The following ACE variants were observed in gnomAD, a reference collection of about 807,000 sequenced individuals.
The protein encoded by ACE is angiotensin-converting enzyme.
Under a neutral mutation model 162.3 loss-of-function variants are expected in ACE, and 122 were observed. The observed-to-expected ratio is 0.75, with a 90% CI of 0.65 to 0.87. The LOEUF is 0.87. ACE is among the 40% of genes least tolerant of loss of function. The pLI is 0.00. For synonymous variants in ACE, 796 were observed against 720.6 expected (o/e 1.10, Z -1.68); for missense variants, 1,799 against 1,735.1 (o/e 1.04, Z -0.65).
chr17:63,493,919 C>T lies in ACE; in HGVS notation c.3137-3C>T, dbSNP rs1188734181. The stretch of plus-strand genomic sequence containing the variant: ...CTGACAGCTGGGCTCCCTTCCCTTG[C>T]AGAGCATGACATCAACTTTCTGATG... On this transcript the variant is annotated splice_polypyrimidine_tract_variant and splice_region_variant and intron_variant, in intron 20 of 24. Transcript: ENST00000290866. 6.2e-7 allele frequency: 1 copy of T among 1,614,044 alleles called. No homozygotes were observed. The highest frequency in any genetic ancestry group is 8.5e-7 in the Non-Finnish European group (1 of 1,180,042).
rs1368029138 is a variant in ACE at position 63,488,996 on chromosome 17, G to A, written c.2505G>A (p.Glu835=). The A allele has an allele frequency of 6.2e-7, 1 of 1,614,082 alleles. No homozygotes were observed. The highest frequency in any genetic ancestry group is 8.5e-7 in the Non-Finnish European group (1 of 1,180,044). Residue 835 remains glutamate (E), a synonymous_variant, in exon 17 of 25, where the codon GAG becomes GAA. Coordinates refer to ENST00000290866, the MANE Select transcript of ACE (RefSeq NM_000789.4). ...CTATGTACGAGACACCATCCCTGGA[G>A]CAAGACCTGGAGCGGCTCTTCCAGG... The part of the protein sequence containing the change: ...WRSMYETPSL[E]QDLERLFQEL...
intron 2 of ACE, 76 bp downstream of exon 2, chr17:63,478,174 A>G (rs2147525900): frequency 6.6e-7 from 1 of 1,526,638 alleles, no homozygotes; most frequent in Non-Finnish European, 8.8e-7. Context: ...AGAGCAGCCC[A>G]TCAGGGAGGG....
chr17:63,495,918 C>T (rs891626454), intron 22 of ACE, among the ~76,000 whole-genome samples: 3 of 152,232 alleles, frequency 2.0e-5, no homozygotes, highest in African/African-American at 7.2e-5. Context: ...TGGGGAGAAT[C>T]CTCCAGCCTT....
chr17:63,481,774 CG>C, intron 7 of ACE, 36 bp downstream of exon 7: 1 of 1,613,376 alleles, frequency 6.2e-7, no homozygotes, highest in Non-Finnish European at 8.5e-7. Flanking sequence ...TGGGGTTCCC[CG>C]GTTCTGGGGC....
In ACE at chr17:63,494,434, C is replaced by T; in HGVS notation, c.3344C>T (p.Ala1115Val). The T allele has an allele frequency of 6.2e-7, 1 of 1,614,134 alleles. No individual in the cohort carries two copies. Among genetic ancestry groups the T allele is most frequent in the Non-Finnish European group, 8.5e-7 (1 of 1,180,014 alleles). The stretch of plus-strand genomic sequence containing the variant: ...ACTCAAGGTGACTTTGACCCAGGGG[C>T]CAAGTTCCACATTCCTTCTAGCGTG... ...PRTQGDFDPG[A>V]KFHIPSSVPY... Residue 1115 changes from alanine (A) to valine (V), a missense_variant, in exon 22 of 25, where the codon GCC (alanine) becomes GTC (valine). By Grantham distance (64) the Ala-to-Val change is moderately conservative (BLOSUM62 0). Transcript: ENST00000290866.
At position 63,483,929 on chromosome 17, in the gene ACE, A is replaced by G; in HGVS notation, c.1667A>G (p.Gln556Arg). The part of the protein sequence containing the change: ...KEAGYEGPLH[Q>R]CDIYRSTKAG... ...GCAGGCTATGAGGGCCCACTGCACC[A>G]GTGTGACATCTACCGGTCCACCAAG... The change falls in exon 11 of 25, where the codon CAG (glutamine) becomes CGG (arginine). Residue 556 changes from glutamine to arginine, a missense_variant. Physicochemically the swap from Gln to Arg is conservative, Grantham distance 43 (BLOSUM62 1). Transcript: ENST00000290866. The G allele has an allele frequency of 6.2e-7, 1 of 1,614,120 alleles. No individual in the cohort carries two copies. The highest frequency in any genetic ancestry group is 1.1e-5 in the South Asian group (1 of 91,082).
rs866328001 is a variant in ACE, at chr17:63,484,236, G to C, written c.1710-94G>C. ...TTGCCACAGTTTCTGCAGTCCATTG[G>C]GGGGCGGAAGTGGCCAGGGGCATGT... On this transcript the variant is annotated intron_variant, in intron 11 of 24. Coordinates refer to ENST00000290866, the MANE Select transcript of ACE (RefSeq NM_000789.4). This position sits in a 1 kb window ranked among gnomAD's most constrained non-coding sequence, Gnocchi z 4.0. 2.8e-6 allele frequency: 4 copies of C among 1,406,798 alleles called. No individual in the cohort carries two copies. Among genetic ancestry groups the C allele is most frequent in the Admixed American group, 2.0e-5 (1 of 50,874 alleles). 87.1% of individuals were successfully genotyped at this position (1,406,798 alleles called of 1,614,324 possible). A position where few individuals can be genotyped will look rare whatever the true frequency, so the allele number is the denominator to read the frequency against.
Position 63,484,790 on chromosome 17 carries a change from G to A in ACE, c.1921+249G>A. 1 of 1,490,884 alleles carries A rather than the reference G, an allele frequency of 6.7e-7. No homozygotes were observed. Among genetic ancestry groups the A allele is most frequent in the Non-Finnish European group, 8.9e-7 (1 of 1,120,994 alleles). The allele number at this position is 1,490,884 out of a possible 1,614,324, so 92.4% of individuals were successfully genotyped here. The stretch of plus-strand genomic sequence containing the variant: ...CCTTCCAGAGGAAGCCAGACACAAG[G>A]CTCTGTGAGGTCACACTGCGGGCTC... On this transcript the variant is annotated intron_variant, in intron 12 of 24. Transcript: ENST00000290866. The surrounding 1 kb of genome is among the most constrained non-coding windows in gnomAD (Gnocchi z 4.0).
At chr17:63,497,084 C>G (rs2030800617) in intron 24 of ACE, 53 bp from the exon 25 acceptor site, 2 of 1,590,630 alleles carry the variant, frequency 1.3e-6, no homozygotes, top group African/African-American at 2.7e-5. Flanking sequence ...GCCCCGCACC[C>G]TTGCCCTGCC....
In ACE at chr17:63,477,362, G is replaced by T. The variant is rs1323998023; in HGVS notation, c.249+19G>T. 11 of 1,254,598 alleles carry T rather than the reference G, an allele frequency of 8.8e-6. No homozygotes were observed. In the Admixed American group the frequency reaches 4.2e-4, roughly 48 times the overall value. 77.7% of individuals were successfully genotyped at this position (1,254,598 alleles called of 1,614,324 possible). A position where few individuals can be genotyped will look rare whatever the true frequency, so the allele number is the denominator to read the frequency against. ...GCGCCAGGTGGGCGCCCGGGCCCGG[G>T]CGGGGGCGGGGCGGGGCCGCGGCGG... On this transcript the variant is annotated intron_variant, in intron 1 of 24. Coordinates refer to ENST00000290866, the MANE Select transcript of ACE (RefSeq NM_000789.4).
At position 63,498,097 on chromosome 17, in the gene ACE, T is replaced by TC. The variant is rs397788309; in HGVS notation, c.*731_*732insC. On this transcript the variant is annotated 3_prime_UTR_variant, in exon 25 of 25. Coordinates refer to ENST00000290866, the MANE Select transcript of ACE (RefSeq NM_000789.4). ...CCTGCCTGTACCAGCTCCATGACTC[T>TC]GCTCGGGTGAACAGCCTTGGCTCTC... The TC allele has an allele frequency of 3.2e-5, 5 of 155,208 alleles. No individual in the cohort carries two copies. The highest frequency in any genetic ancestry group is 7.2e-5 in the African/African-American group (3 of 41,508). The allele number at this position is 155,208 out of a possible 1,614,324, so 9.6% of individuals were successfully genotyped here.
Position 63,481,630 on chromosome 17 carries a change from C to T in ACE, c.1010C>T (p.Pro337Leu), listed in dbSNP as rs750754792. ...EEFFTSLELS[P>L]MPPEFWEGSM... ...TTCTTCACCTCCCTGGAGCTCTCCC[C>T]CATGCCTCCCGAGTTCTGGGAAGGG... The change falls in exon 7 of 25, where the codon CCC becomes CTC. Residue 337 changes from proline to leucine, a missense_variant. Pro to Leu is a moderately conservative substitution (Grantham distance 98). Transcript: ENST00000290866. 18 of 1,614,108 alleles carry T rather than the reference C, an allele frequency of 1.1e-5. No individual in the cohort carries two copies. The highest frequency in any genetic ancestry group is 1.5e-5 in the Non-Finnish European group (18 of 1,180,024).
chr17:63,497,510 C>T lies in ACE; in HGVS notation c.*144C>T, dbSNP rs1486626448. On this transcript the variant is annotated 3_prime_UTR_variant, in exon 25 of 25. Coordinates refer to ENST00000290866, the MANE Select transcript of ACE (RefSeq NM_000789.4). ...TCCCTGTCCCCCTCCCCTCCCAGTCCTCCAGACCACCAGCCGCCCCAGCCC... is the reference window on the plus strand; with the variant it reads ...TCCCTGTCCCCCTCCCCTCCCAGTCTTCCAGACCACCAGCCGCCCCAGCCC... The T allele has an allele frequency of 2.5e-6, 2 of 792,228 alleles. No homozygotes were observed. Among genetic ancestry groups the T allele is most frequent in the South Asian group, 1.5e-5 (1 of 68,528 alleles). The allele number at this position is 792,228 out of a possible 1,614,324, so 49.1% of individuals were successfully genotyped here. A position where few individuals can be genotyped will look rare whatever the true frequency, so the allele number is the denominator to read the frequency against.
rs533192764 is a variant in ACE at position 63,477,611 on chromosome 17, C to T, written c.249+268C>T. On this transcript the variant is annotated intron_variant, in intron 1 of 24. Coordinates refer to ENST00000290866, the MANE Select transcript of ACE (RefSeq NM_000789.4). Reference sequence around the variant, plus strand: ...AGGTGCTGGGCTTGGCTCTGGGGCCCCCGCGCTCTCGGGCAGCTGCCTTCT... The same window carrying T: ...AGGTGCTGGGCTTGGCTCTGGGGCCTCCGCGCTCTCGGGCAGCTGCCTTCT... 410 of 394,608 alleles carry T rather than the reference C, an allele frequency of 1.0e-3. 1 individual carries two copies. Among genetic ancestry groups the T allele is most frequent in the Non-Finnish European group, 1.5e-3 (334 of 221,474 alleles). The allele number at this position is 394,608 out of a possible 1,614,324, so 24.4% of individuals were successfully genotyped here. A position where few individuals can be genotyped will look rare whatever the true frequency, so the allele number is the denominator to read the frequency against.
chr17:63,488,796 G>T lies in ACE; in HGVS notation c.2449+5G>T, dbSNP rs757401557. ...ACCAGGCTGCCCGGCTCAATGGTGA[G>T]TCCCTGCTGCCAACATCACTGGCAC... On this transcript the variant is annotated splice_donor_5th_base_variant and intron_variant, in intron 16 of 24. Transcript: ENST00000290866. The T allele has an allele frequency of 6.2e-7, 1 of 1,614,040 alleles. No individual in the cohort carries two copies. The highest frequency in any genetic ancestry group is 8.5e-7 in the Non-Finnish European group (1 of 1,180,024).
rs2147525552 is a variant in ACE, at chr17:63,478,003, A to G, written c.322A>G (p.Ile108Val). The G allele has an allele frequency of 2.5e-6, 4 of 1,611,960 alleles. No individual in the cohort carries two copies. The highest frequency in any genetic ancestry group is 3.4e-6 in the Non-Finnish European group (4 of 1,179,380). The change falls in exon 2 of 25, where the codon ATC (isoleucine) becomes GTC (valine). Residue 108 changes from isoleucine to valine, a missense_variant. By Grantham distance (29) the Ile-to-Val change is conservative. Transcript: ENST00000290866. ...GQKAKELYEP[I>V]WQNFTDPQLR... ...GAAGGCCAAGGAGCTGTATGAACCG[A>G]TCTGGCAGAACTTCACGGACCCGCA...
chr17:63,491,463 C>T lies in ACE; in HGVS notation c.2912+82C>T. 1.3e-6 allele frequency: 2 copies of T among 1,573,278 alleles called. No homozygotes were observed. Among genetic ancestry groups the T allele is most frequent in the South Asian group, 1.1e-5 (1 of 89,980 alleles). Reference sequence around the variant, plus strand: ...ACCAAGCAAAGGGTCCACTACTGTCCCCCAGCTGGAGCCAGCAGGGCAGGA... The same window carrying T: ...ACCAAGCAAAGGGTCCACTACTGTCTCCCAGCTGGAGCCAGCAGGGCAGGA... On this transcript the variant is annotated intron_variant, in intron 19 of 24. Transcript: ENST00000290866. The surrounding 1 kb of genome is among the most constrained non-coding windows in gnomAD (Gnocchi z 4.4).
In ACE at chr17:63,478,096, CAGG is replaced by C; in HGVS notation, c.416_417+1del. On this transcript the variant is annotated splice_donor_variant and coding_sequence_variant, in exon 2 of 25. Coordinates refer to ENST00000290866, the MANE Select transcript of ACE (RefSeq NM_000789.4). LOFTEE classifies it high-confidence loss of function. The stretch of plus-strand genomic sequence containing the variant: ...CAACCTGCCCCTGGCTAAGCGGCAG[CAGG>C]TGGGCTGAGGGCTGAGGCAGAGCTC... The C allele has an allele frequency of 6.3e-7, 1 of 1,580,428 alleles. No homozygotes were observed. The highest frequency in any genetic ancestry group is 1.2e-5 in the South Asian group (1 of 86,910).
chr17:63,496,175 G>C (rs909530339), intron 22 of ACE: 7 of 610,970 alleles, frequency 1.1e-5, no homozygotes, highest in Admixed American at 5.4e-5. Flanking sequence ...TGGGTGGGAG[G>C]CATCTACACA....
Sources: allele counts gnomAD v4.1 joint callset (sites outside exome capture counted in the v4.1 genomes callset), GRCh38; gene constraint gnomAD v4.1.1; non-coding constraint Gnocchi (gnomAD v3.1); transcripts MANE v1.5; gene names NCBI Gene and HGNC (gene_info 2026-07-23, HGNC 2026-07-21).